AKT3: variants seen among roughly 807,000 people sequenced by gnomAD.
AKT3 encodes the protein RAC-gamma serine/threonine-protein kinase.
Under a neutral mutation model 65.3 loss-of-function variants are expected in AKT3, and 15 were observed. That is an observed-to-expected ratio of 0.23 (90% confidence interval 0.15 to 0.35). The LOEUF is 0.35. AKT3 is among the 10% of genes least tolerant of loss of function. The pLI is 1.00. For synonymous variants in AKT3, 206 were observed against 183.8 expected (o/e 1.12, Z -0.98); for missense variants, 243 against 576.5 (o/e 0.42, Z 5.92).
intron 10 of AKT3, among the ~76,000 whole-genome samples, chr1:243,560,796 T>C (rs1673722112): frequency 6.6e-6 from 1 of 152,132 alleles, no homozygotes; most frequent in African/African-American, 2.4e-5. Flanking sequence ...TATGAAATAA[T>C]ATATTTGTTT....
intron 2 of AKT3, among the ~76,000 whole-genome samples, chr1:243,820,547 A>C (rs1413298286): frequency 6.6e-6 from 1 of 152,218 alleles, no homozygotes; most frequent in Non-Finnish European, 1.5e-5. Flanking sequence ...AGAAGCTATG[A>C]ACCATGATAA....
chr1:243,501,253 C>CCAG lies in AKT3; in HGVS notation c.*3993_*3995dup, dbSNP rs1669271227. ...ATTCAACGTGAAGTCAGACTGCAGT[C>CCAG]CAGCCATCCTACCCATCTACATCAC... On this transcript the variant is annotated 3_prime_UTR_variant, in exon 14 of 14. Transcript: ENST00000673466. 4.3e-6 allele frequency: 1 copy of CCAG among 232,900 alleles called. No individual in the cohort carries two copies. Among genetic ancestry groups the CCAG allele is most frequent in the African/African-American group, 2.2e-5 (1 of 45,332 alleles). The allele number at this position is 232,900 out of a possible 1,614,324, so 14.4% of individuals were successfully genotyped here. A position where few individuals can be genotyped will look rare whatever the true frequency, so the allele number is the denominator to read the frequency against.
At chr1:243,556,989 GC>G (rs1160065029) in intron 10 of AKT3, among the ~76,000 whole-genome samples, 2 of 152,070 alleles carry the variant, frequency 1.3e-5, no homozygotes, top group Non-Finnish European at 2.9e-5. Flanking sequence ...AACTGTCAAT[GC>G]CATTTGCTAT....
intron 2 of AKT3, among the ~76,000 whole-genome samples, chr1:243,765,539 C>T (rs544733266): frequency 1.3e-5 from 2 of 152,012 alleles, no homozygotes; most frequent in African/African-American, 4.8e-5. Context: ...TACATTCTAG[C>T]GGGATTGAAA....
chr1:243,531,999 G>A (rs925181391), intron 12 of AKT3, among the ~76,000 whole-genome samples: 1 of 152,228 alleles, frequency 6.6e-6, no homozygotes, highest in Non-Finnish European at 1.5e-5. Flanking sequence ...CTAAGCACAA[G>A]TGTGGCACGT....
At chr1:243,549,745 T>C (rs577688633) in intron 11 of AKT3, among the ~76,000 whole-genome samples, 1 of 152,196 alleles carries the variant, frequency 6.6e-6, no homozygotes, top group East Asian at 1.9e-4. Flanking sequence ...TTTTAACTGC[T>C]CTGCCTGCCC....
intron 8 of AKT3, among the ~76,000 whole-genome samples, chr1:243,589,117 C>T (rs2148545692): frequency 6.6e-6 from 1 of 151,936 alleles, no homozygotes; most frequent in Admixed American, 6.6e-5. Context: ...ACCAGCCTGA[C>T]CAACATGGTG....
chr1:243,675,586 A>T (rs1683454874), intron 3 of AKT3, among the ~76,000 whole-genome samples: 1 of 152,156 alleles, frequency 6.6e-6, no homozygotes, highest in Non-Finnish European at 1.5e-5. Context: ...TTTGCTGGTA[A>T]ATCACTCAAA....
chr1:243,550,819 T>TC (rs1336128100), intron 11 of AKT3, among the ~76,000 whole-genome samples: 1 of 94,022 alleles, frequency 1.1e-5, no homozygotes, highest in African/African-American at 3.7e-5. Context: ...AAAAGCCAGG[T>TC]GTGGTGGCAG....
intron 3 of AKT3, among the ~76,000 whole-genome samples, chr1:243,683,276 G>A (rs1684049336): frequency 6.6e-6 from 1 of 152,048 alleles, no homozygotes; most frequent in African/African-American, 2.4e-5. Flanking sequence ...AAGAAAGGTT[G>A]GTTTCCTTAT....
At chr1:243,686,003 C>A (rs1684264721) in intron 3 of AKT3, among the ~76,000 whole-genome samples, 1 of 152,126 alleles carries the variant, frequency 6.6e-6, no homozygotes, top group Non-Finnish European at 1.5e-5. Context: ...CTCCTATTCA[C>A]AATTGCTACA....
chr1:243,839,330 T>C (rs557086681), intron 2 of AKT3, among the ~76,000 whole-genome samples: 1 of 152,294 alleles, frequency 6.6e-6, no homozygotes, highest in Admixed American at 6.5e-5. Context: ...ACCTACAGGC[T>C]CGTCTTTGAG....
At chr1:243,644,828 G>A (rs572036598) in intron 5 of AKT3, among the ~76,000 whole-genome samples, 1 of 152,260 alleles carries the variant, frequency 6.6e-6, no homozygotes, top group African/African-American at 2.4e-5. Context: ...GAGTAGGTAG[G>A]TGGGTGTAGC....
intron 3 of AKT3, among the ~76,000 whole-genome samples, chr1:243,690,404 T>C (rs2148007774): frequency 6.6e-6 from 1 of 152,356 alleles, no homozygotes; most frequent in Middle Eastern, 3.4e-3. Context: ...GTATCCTATA[T>C]TATTTTTTAA....
intron 8 of AKT3, among the ~76,000 whole-genome samples, chr1:243,582,818 T>C (rs949941136): frequency 2.0e-5 from 3 of 151,912 alleles, no homozygotes; most frequent in African/African-American, 4.8e-5. Context: ...GAGTGGCATG[T>C]TGGATAAAAA....
chr1:243,571,028 C>T (rs894838559), intron 9 of AKT3, among the ~76,000 whole-genome samples: 1 of 152,094 alleles, frequency 6.6e-6, no homozygotes, highest in African/African-American at 2.4e-5. Flanking sequence ...CTTCAATATA[C>T]CAATATGTTG....
At chr1:243,573,610 GT>G (rs1674720420) in intron 8 of AKT3, among the ~76,000 whole-genome samples, 1 of 151,962 alleles carries the variant, frequency 6.6e-6, no homozygotes, top group Non-Finnish European at 1.5e-5. Flanking sequence ...AAACTTTAAG[GT>G]TTTATGTTTT....
intron 2 of AKT3, among the ~76,000 whole-genome samples, chr1:243,827,291 G>C (rs1222176034): frequency 6.6e-6 from 1 of 152,016 alleles, no homozygotes; most frequent in African/African-American, 2.4e-5. Flanking sequence ...ATATACACAA[G>C]ACCTCATTCT....
chr1:243,519,624 A>C (rs1670585341), intron 12 of AKT3, among the ~76,000 whole-genome samples: 2 of 152,148 alleles, frequency 1.3e-5, no homozygotes, highest in African/African-American at 4.8e-5. Context: ...AACTTCTGGG[A>C]AAGCTTCACC....
Sources: allele counts gnomAD v4.1 joint callset (sites outside exome capture counted in the v4.1 genomes callset), GRCh38; gene constraint gnomAD v4.1.1; transcripts MANE v1.5; gene names NCBI Gene and HGNC (gene_info 2026-07-23, HGNC 2026-07-21).